Variants in MCTP1 observed in about 807,000 individuals in gnomAD.
MCTP1 encodes multiple C2 and transmembrane domain-containing protein 1.
MCTP1 carries 69 observed loss-of-function variants against 120.6 expected under a neutral mutation model. The ratio of observed to expected loss-of-function variants is 0.57; its 90% CI spans 0.47 to 0.70. The LOEUF (loss-of-function observed/expected upper bound fraction) is 0.70. Among genes scored for constraint, MCTP1 ranks in the 30% least tolerant of loss-of-function variants. MCTP1 has a pLI of 0.00. For missense variants in MCTP1, 1,203 were observed against 1,248.8 expected (o/e 0.96, Z 0.55); for synonymous variants, 529 against 493.1 (o/e 1.07, Z -0.96).
chr5:95,267,081 T>G (rs1346824037), intron 1 of MCTP1, among the ~76,000 whole-genome samples: 1 of 152,198 alleles, frequency 6.6e-6, no homozygotes, highest in Admixed American at 6.5e-5. Context: ...AAATATAAAA[T>G]TTAGATTTTA....
chr5:94,983,762 T>C (rs1477873168), intron 2 of MCTP1, among the ~76,000 whole-genome samples: 5 of 152,202 alleles, frequency 3.3e-5, no homozygotes, highest in African/African-American at 4.8e-5. Context: ...GGTATCCCAA[T>C]GCAATAGAAC....
At chr5:94,991,656 C>G (rs1831564101) in intron 2 of MCTP1, among the ~76,000 whole-genome samples, 1 of 151,956 alleles carries the variant, frequency 6.6e-6, no homozygotes, top group African/African-American at 2.4e-5. Flanking sequence ...GGTGGATCAC[C>G]TGATGTCAGG....
At chr5:94,779,299 A>C (rs1469815737) in intron 18 of MCTP1, 136 bp from the exon 19 acceptor site, 4 of 727,038 alleles carry the variant, frequency 5.5e-6, no homozygotes, top group Non-Finnish European at 9.8e-6. Flanking sequence ...TGATCTAGAG[A>C]GAGTGATTAG....
chr5:94,958,903 C>T (rs1199041123), intron 2 of MCTP1, among the ~76,000 whole-genome samples: 2 of 152,108 alleles, frequency 1.3e-5, no homozygotes, highest in African/African-American at 4.8e-5. Context: ...AGAGGGATTC[C>T]TCCCCAATTC....
At chr5:95,138,977 C>T (rs997000861) in intron 1 of MCTP1, among the ~76,000 whole-genome samples, 1 of 152,170 alleles carries the variant, frequency 6.6e-6, no homozygotes, top group Non-Finnish European at 1.5e-5. Context: ...CACATACACA[C>T]ACACATTATA....
At chr5:95,196,876 C>G (rs1415428246) in intron 1 of MCTP1, among the ~76,000 whole-genome samples, 1 of 152,172 alleles carries the variant, frequency 6.6e-6, no homozygotes, top group African/African-American at 2.4e-5. Flanking sequence ...CCGAGTTTCT[C>G]ATTATTCTTA....
chr5:95,225,592 A>G (rs1754169658), intron 1 of MCTP1, among the ~76,000 whole-genome samples: 1 of 152,198 alleles, frequency 6.6e-6, no homozygotes, highest in Non-Finnish European at 1.5e-5. Flanking sequence ...AGAATGGTCA[A>G]TGTCCCAAGT....
chr5:94,895,087 G>A (rs1581228780), intron 10 of MCTP1, among the ~76,000 whole-genome samples: 1 of 151,914 alleles, frequency 6.6e-6, no homozygotes, highest in Non-Finnish European at 1.5e-5. Context: ...CCACTGTCAC[G>A]GTATTCATAA....
chr5:95,284,385 G>A lies in MCTP1; in HGVS notation c.191C>T (p.Thr64Ile). The change falls in exon 1 of 23, where the codon ACA becomes ATA. Residue 64 changes from threonine (T) to isoleucine (I), a missense_variant. Thr to Ile is a moderately conservative substitution (Grantham distance 89). Transcript: ENST00000515393. The surrounding 1 kb of genome is among the most constrained non-coding windows in gnomAD (Gnocchi z 5.2). Reference protein sequence around the residue: ...PSPSPPPPVGTGNAPARGSGA... With the variant: ...PSPSPPPPVGIGNAPARGSGA... ...ACTCCCCCTGGCCGGTGCATTCCCT[G>A]TGCCCACCGGGGGTGGCGGGGAGGG... is the stretch of plus-strand genomic sequence containing the variant. The A allele has an allele frequency of 6.3e-7, 1 of 1,593,924 alleles. No individual in the cohort carries two copies. Among genetic ancestry groups the A allele is most frequent in the Non-Finnish European group, 8.5e-7 (1 of 1,178,322 alleles).
intron 1 of MCTP1, among the ~76,000 whole-genome samples, chr5:95,023,107 G>A (rs2153679073): frequency 6.6e-6 from 1 of 152,242 alleles, no homozygotes; most frequent in South Asian, 2.1e-4. Flanking sequence ...TATACAGTGA[G>A]GCCCAGCTAA....
intron 11 of MCTP1, among the ~76,000 whole-genome samples, chr5:94,892,801 A>G (rs1372395702): frequency 6.6e-6 from 1 of 152,230 alleles, no homozygotes; most frequent in African/African-American, 2.4e-5. Flanking sequence ...AACCTCCATT[A>G]TATGTTTCTC....
intron 1 of MCTP1, among the ~76,000 whole-genome samples, chr5:95,178,443 A>G (rs1352355262): frequency 1.3e-5 from 2 of 152,210 alleles, no homozygotes; most frequent in Non-Finnish European, 2.9e-5. Context: ...AGGCCAACCA[A>G]CACAAAACCA....
At position 95,284,132 on chromosome 5, in the gene MCTP1, A is replaced by C; in HGVS notation, c.444T>G (p.Pro148=). 6.4e-7 allele frequency: 1 copy of C among 1,553,260 alleles called. No individual in the cohort carries two copies. The highest frequency in any genetic ancestry group is 8.7e-7 in the Non-Finnish European group (1 of 1,148,772). The change falls in exon 1 of 23, where the codon CCT becomes CCG. Residue 148 remains proline, a synonymous_variant. Coordinates refer to ENST00000515393, the MANE Select transcript of MCTP1 (RefSeq NM_024717.7). This position sits in a 1 kb window ranked among gnomAD's most constrained non-coding sequence, Gnocchi z 5.2. The part of the protein sequence containing the change: ...AASGAAGGTP[P]GGRSPDSAPS... The stretch of plus-strand genomic sequence containing the variant: ...GAGCTGAGTCGGGGGAGCGTCCGCC[A>C]GGAGGCGTCCCTCCCGCTGCTCCCG...
intron 1 of MCTP1, among the ~76,000 whole-genome samples, chr5:95,021,522 C>T (rs977821980): frequency 2.0e-5 from 3 of 151,926 alleles, no homozygotes; most frequent in Middle Eastern, 3.4e-3. Context: ...TTTCTTCTTT[C>T]GTCTCTATCT....
chr5:94,972,055 T>C (rs977388561), intron 2 of MCTP1, among the ~76,000 whole-genome samples: 7 of 152,172 alleles, frequency 4.6e-5, no homozygotes, highest in Non-Finnish European at 7.4e-5. Context: ...TTTAGAGCCT[T>C]CTGCGTGGTC....
chr5:95,166,686 C>T (rs1416965260), intron 1 of MCTP1, among the ~76,000 whole-genome samples: 4 of 151,258 alleles, frequency 2.6e-5, no homozygotes, highest in Non-Finnish European at 5.9e-5. Context: ...TCCTGCCTCA[C>T]CCTCCCGAGT....
chr5:95,066,911 C>T (rs1382786218), intron 1 of MCTP1, among the ~76,000 whole-genome samples: 1 of 152,122 alleles, frequency 6.6e-6, no homozygotes, highest in African/African-American at 2.4e-5. Flanking sequence ...GATCTAGATC[C>T]CTCACATGCG....
At chr5:94,981,517 AAAC>A (rs1829413530) in intron 2 of MCTP1, among the ~76,000 whole-genome samples, 1 of 152,254 alleles carries the variant, frequency 6.6e-6, no homozygotes, top group Admixed American at 6.5e-5. Context: ...GCAGTGCATA[AAAC>A]AACATCTCTA....
At chr5:94,710,733 C>T (rs1756625864) in intron 21 of MCTP1, 85 bp downstream of exon 21, 6 of 805,566 alleles carry the variant, frequency 7.4e-6, no homozygotes, top group Non-Finnish European at 1.2e-5. Flanking sequence ...ATACAGGGAA[C>T]TGCTGACAGT....
Sources: gnomAD v4.1 joint callset for allele counts (sites outside exome capture counted in the v4.1 genomes callset) on GRCh38, gnomAD v4.1.1 for gene constraint, Gnocchi (gnomAD v3.1) non-coding constraint, MANE v1.5 for transcripts, NCBI Gene and HGNC (gene_info 2026-07-23, HGNC 2026-07-21) for gene names.